Variants in DPYD observed in about 807,000 individuals in gnomAD.
DPYD encodes dihydropyrimidine dehydrogenase [NADP(+)].
Under a neutral mutation model 116.2 loss-of-function variants are expected in DPYD, and 109 were observed. That is an observed-to-expected ratio of 0.94 (90% confidence interval 0.80 to 1.10). The LOEUF (loss-of-function observed/expected upper bound fraction) is 1.10. Among genes scored for constraint, DPYD ranks in the 50% least tolerant of loss-of-function variants. The pLI, the probability that DPYD is intolerant of heterozygous loss-of-function variation, is 0.00. For missense variants in DPYD, 1,302 were observed against 1,254.5 expected (o/e 1.04, Z -0.57); for synonymous variants, 440 against 432.0 (o/e 1.02, Z -0.23).
At chr1:97,316,126 C>T (rs758639876) in intron 16 of DPYD, among the ~76,000 whole-genome samples, 1 of 151,910 alleles carries the variant, frequency 6.6e-6, no homozygotes, top group Admixed American at 6.6e-5. Flanking sequence ...CCAGAGGAAT[C>T]AGTGTAGATG....
At chr1:97,562,141 ATC>A (rs1652195643) in intron 11 of DPYD, among the ~76,000 whole-genome samples, 1 of 152,260 alleles carries the variant, frequency 6.6e-6, no homozygotes, top group African/African-American at 2.4e-5. Flanking sequence ...GGGAAGTAAC[ATC>A]CCACAAGTAT....
chr1:97,543,202 T>A (rs542718710), intron 12 of DPYD, among the ~76,000 whole-genome samples: 2 of 152,166 alleles, frequency 1.3e-5, no homozygotes, highest in Admixed American at 6.5e-5. Context: ...GGTAACATGA[T>A]TGGAAAGTGT....
At position 97,389,509 on chromosome 1, in the gene DPYD, G is replaced by C. The variant is rs571497382; in HGVS notation, c.1906-7048C>G. ...GTCCCCTTTATATTACTGAAAACAT[G>C]AAATTGGGTTTTATAGATTGTCTTA... On this transcript the variant is annotated intron_variant, in intron 14 of 22. Transcript: ENST00000370192. Among the ~76,000 whole-genome samples the C allele has an allele frequency of 2.0e-5, 3 of 152,058 alleles. No homozygotes were observed. The South Asian group carries it at 6.2e-4, about 32-fold the overall frequency.
At chr1:97,396,958 T>C (rs944424968) in intron 14 of DPYD, among the ~76,000 whole-genome samples, 10 of 151,990 alleles carry the variant, frequency 6.6e-5, no homozygotes, top group Admixed American at 4.6e-4. Context: ...CTGTGTCAGA[T>C]AGATGTTTAT....
Position 97,736,596 on chromosome 1 carries a change from G to A in DPYD, c.321+3796C>T, listed in dbSNP as rs933188286. ...TAATATCCACAGAACGTCTTGTAAC[G>A]TGGAAAGAGGTAATTAGAATTAAAC... On this transcript the variant is annotated intron_variant, in intron 4 of 22. Transcript: ENST00000370192. 3.3e-5 allele frequency among the ~76,000 whole-genome samples: 5 copies of A among 151,988 alleles called. No homozygotes were observed. In the South Asian group the frequency reaches 6.2e-4, roughly 19 times the overall value.
intron 1 of DPYD, among the ~76,000 whole-genome samples, chr1:97,889,816 A>G (rs1287953003): frequency 1.3e-5 from 2 of 152,052 alleles, no homozygotes; most frequent in Admixed American, 6.6e-5. Context: ...TCTCAACTCT[A>G]TATGGAATCT....
At chr1:97,089,827 GT>G (rs112112819) in intron 21 of DPYD, among the ~76,000 whole-genome samples, 4,613 of 126,364 alleles carry the variant, frequency 0.037, 123 homozygotes, top group African/African-American at 0.11. Flanking sequence ...CATTTTGTTT[GT>G]TTTTTTTTTT....
intron 15 of DPYD, among the ~76,000 whole-genome samples, chr1:97,376,072 T>C (rs12030316): frequency 0.21 from 32,395 of 152,136 alleles, 3,609 homozygotes; most frequent in South Asian, 0.38. Flanking sequence ...TTACTTTATC[T>C]TCACAGCAAC....
At chr1:97,609,181 T>C (rs1054631041) in intron 8 of DPYD, among the ~76,000 whole-genome samples, 7 of 151,976 alleles carry the variant, frequency 4.6e-5, no homozygotes, top group Admixed American at 2.6e-4. Context: ...TAATCATTTG[T>C]AAATACGTTT....
chr1:97,716,493 T>C (rs1662623970), intron 5 of DPYD, among the ~76,000 whole-genome samples: 1 of 152,070 alleles, frequency 6.6e-6, no homozygotes, highest in African/African-American at 2.4e-5. Context: ...TTCATACATA[T>C]GATCTTACTG....
At chr1:97,845,017 C>T (rs966903492) in intron 2 of DPYD, among the ~76,000 whole-genome samples, 1 of 152,206 alleles carries the variant, frequency 6.6e-6, no homozygotes, top group East Asian at 1.9e-4. Flanking sequence ...TACCGATGAA[C>T]AACAGTGGAA....
intron 14 of DPYD, among the ~76,000 whole-genome samples, chr1:97,424,479 A>G (rs1462214362): frequency 6.6e-6 from 1 of 152,092 alleles, no homozygotes; most frequent in Admixed American, 6.6e-5. Flanking sequence ...CTAGAATATG[A>G]AAGAAGCATC....
intron 14 of DPYD, among the ~76,000 whole-genome samples, chr1:97,439,344 T>A (rs1219643937): frequency 6.6e-6 from 1 of 152,222 alleles, no homozygotes; most frequent in Non-Finnish European, 1.5e-5. Flanking sequence ...CTGGCACTAT[T>A]CTTTTCTAAG....
intron 20 of DPYD, among the ~76,000 whole-genome samples, chr1:97,178,252 G>A (rs1326731564): frequency 6.6e-6 from 1 of 152,164 alleles, no homozygotes; most frequent in Non-Finnish European, 1.5e-5. Flanking sequence ...CTTGCAGATG[G>A]GAAGGAGTGC....
intron 8 of DPYD, among the ~76,000 whole-genome samples, chr1:97,598,036 C>G (rs777146436): frequency 6.6e-6 from 1 of 151,920 alleles, no homozygotes; most frequent in African/African-American, 2.4e-5. Context: ...TAATTGAGAG[C>G]TGGCACATCG....
chr1:97,574,887 T>C (rs1653163451), intron 10 of DPYD, among the ~76,000 whole-genome samples: 1 of 152,162 alleles, frequency 6.6e-6, no homozygotes, highest in South Asian at 2.1e-4. Flanking sequence ...CCCTGGGTAA[T>C]GTTTCCACTG....
rs528510402 is a variant in DPYD at position 97,805,555 on chromosome 1, A to T, written c.233+22559T>A. Among the ~76,000 whole-genome samples, 4 of 151,992 alleles carry T rather than the reference A, an allele frequency of 2.6e-5. No homozygotes were observed. In the East Asian group the frequency reaches 7.7e-4, roughly 29 times the overall value. On this transcript the variant is annotated intron_variant, in intron 3 of 22. Transcript: ENST00000370192. ...AAACAATGTGCTGAGGTAGACACAGAAAGGAATTTCACCTTCTAGGCATAA... is the reference window on the plus strand; with the variant it reads ...AAACAATGTGCTGAGGTAGACACAGTAAGGAATTTCACCTTCTAGGCATAA...
In DPYD at chr1:97,761,989, A is replaced by C. The variant is rs76683736; in HGVS notation, c.234-21510T>G. 3.2e-4 allele frequency among the ~76,000 whole-genome samples: 49 copies of C among 152,232 alleles called. No individual in the cohort carries two copies. The East Asian group carries it at 6.6e-3, about 20-fold the overall frequency. On this transcript the variant is annotated intron_variant, in intron 3 of 22. Transcript: ENST00000370192. ...ATGAGCACAAGGAAGGAACACAAGG[A>C]CACTAGGGCCCACTTGAGGGTGGAC...
At chr1:97,366,145 A>G (rs1001033337) in intron 16 of DPYD, among the ~76,000 whole-genome samples, 16 of 152,176 alleles carry the variant, frequency 1.1e-4, no homozygotes, top group Admixed American at 4.6e-4. Flanking sequence ...TAGGCAAAAT[A>G]TTGGCAGTTA....
Sources: gnomAD v4.1 joint callset for allele counts (sites outside exome capture counted in the v4.1 genomes callset) on GRCh38, gnomAD v4.1.1 for gene constraint, MANE v1.5 for transcripts, NCBI Gene and HGNC (gene_info 2026-07-23, HGNC 2026-07-21) for gene names.